The following KIF15 variants were observed in gnomAD, a reference collection of about 807,000 sequenced individuals.
The protein encoded by KIF15 is kinesin family member 15.
KIF15 carries 140 observed loss-of-function variants against 190.6 expected under a neutral mutation model. The observed-to-expected ratio is 0.73, with a 90% CI of 0.64 to 0.84. KIF15 has a LOEUF of 0.84. Among genes scored for constraint, KIF15 ranks in the 40% least tolerant of loss-of-function variants. The probability of loss-of-function intolerance (pLI) is 0.00; values close to 1 mark genes in which losing one functional copy is unlikely to be tolerated. For missense variants in KIF15, 1,372 were observed against 1,584.4 expected, an observed-to-expected ratio of 0.87 and a Z score of 2.28; for synonymous variants, 528 against 551.3, an observed-to-expected ratio of 0.96 and a Z score of 0.59.
chr3:44,762,947 A>G (rs1401710333), intron 1 of KIF15, among the ~76,000 whole-genome samples: 1 of 152,154 alleles, frequency 6.6e-6, no homozygotes, highest in Non-Finnish European at 1.5e-5. Flanking sequence ...CACTTTATGG[A>G]TCAGTCACTA....
chr3:44,862,288 G>A, intron 6 of KIF15: 1 of 267,408 alleles, frequency 3.7e-6, no homozygotes, highest in Non-Finnish European at 5.8e-6. Context: ...GGCCGCGGGC[G>A]GCGCTGCGGT....
intron 20 of KIF15, among the ~76,000 whole-genome samples, chr3:44,823,607 C>T (rs972935580): frequency 6.6e-6 from 1 of 152,234 alleles, no homozygotes; most frequent in Non-Finnish European, 1.5e-5. Flanking sequence ...CAGCTATGCT[C>T]TGCCCCCACA....
intron 19 of KIF15, among the ~76,000 whole-genome samples, chr3:44,813,908 G>C (rs971574305): frequency 3.9e-5 from 6 of 152,168 alleles, no homozygotes; most frequent in Non-Finnish European, 7.4e-5. Flanking sequence ...GTGAGCCACT[G>C]TGCCCAGCCT....
chr3:44,780,151 G>A (rs1440868623), intron 4 of KIF15, among the ~76,000 whole-genome samples: 1 of 146,792 alleles, frequency 6.8e-6, no homozygotes, highest in Admixed American at 7.0e-5. Context: ...CCACAGCTGT[G>A]ATTCTAGTGC....
intron 1 of KIF15, among the ~76,000 whole-genome samples, chr3:44,772,293 AG>A (rs1381892806): frequency 1.3e-5 from 2 of 152,250 alleles, no homozygotes; most frequent in African/African-American, 2.4e-5. Flanking sequence ...AGATTTTGAG[AG>A]GGATCCATCC....
intron 2 of KIF15, 57 bp from the exon 3 acceptor site, chr3:44,775,197 T>C: frequency 3.6e-6 from 5 of 1,391,946 alleles, no homozygotes; most frequent in Admixed American, 1.8e-5. Flanking sequence ...ACTTGGATCC[T>C]TTTTCAGTTT....
chr3:44,804,922 A>G (rs983421189), intron 14 of KIF15, 105 bp from the exon 15 acceptor site: 8 of 1,220,642 alleles, frequency 6.6e-6, no homozygotes, highest in Non-Finnish European at 9.0e-6. Flanking sequence ...TTAGTACACT[A>G]TGATCATGCT....
chr3:44,762,106 T>C (rs1011572538), intron 1 of KIF15, among the ~76,000 whole-genome samples: 4 of 152,216 alleles, frequency 2.6e-5, no homozygotes, highest in African/African-American at 9.6e-5. Flanking sequence ...GCCAGGAGTC[T>C]GGCGCAGTTC....
intron 20 of KIF15, among the ~76,000 whole-genome samples, chr3:44,825,580 A>C (rs1312738988): frequency 6.6e-6 from 1 of 152,214 alleles, no homozygotes; most frequent in Non-Finnish European, 1.5e-5. Context: ...TTTCTTGCTC[A>C]AATCAAATTC....
intron 7 of KIF15, among the ~76,000 whole-genome samples, chr3:44,793,066 C>G (rs371322593): frequency 6.6e-5 from 10 of 152,172 alleles, no homozygotes; most frequent in Admixed American, 5.2e-4. Flanking sequence ...CCACCTCACA[C>G]TGAATCTGAA....
intron 19 of KIF15, among the ~76,000 whole-genome samples, chr3:44,814,197 T>TTAA: frequency 6.6e-6 from 1 of 152,264 alleles, no homozygotes; most frequent in Non-Finnish European, 1.5e-5. Flanking sequence ...CCTGAAGTAG[T>TTAA]TAACCCATGT....
intron 20 of KIF15, among the ~76,000 whole-genome samples, chr3:44,823,730 T>C (rs1011847587): frequency 5.9e-5 from 9 of 152,072 alleles, no homozygotes; most frequent in Admixed American, 4.6e-4. Context: ...CGGATGGCCC[T>C]CCCCCTGCCA....
chr3:44,868,096 C>T (rs1174116843), intron 6 of KIF15, among the ~76,000 whole-genome samples: 2 of 152,148 alleles, frequency 1.3e-5, no homozygotes, highest in Admixed American at 1.3e-4. Flanking sequence ...ATTCTCATAC[C>T]CATTAGCAGT....
chr3:44,829,361 AATAT>A lies in KIF15; in HGVS notation c.2944-599_2944-596del, dbSNP rs558769349. 4.5e-3 allele frequency among the ~76,000 whole-genome samples: 601 copies of A among 133,570 alleles called. 3 individuals are homozygous for A. The highest frequency in any genetic ancestry group is 0.015 in the African/African-American group (542 of 35,738). 87.6% of individuals were successfully genotyped at this position (133,570 alleles called of 152,430 possible). On this transcript the variant is annotated intron_variant, in intron 24 of 34. Transcript: ENST00000326047. ...AACACAGCGAGACTCCATCTCAAAA[AATAT>A]ATATATATATGTGTGTGTGTGTGTG...
chr3:44,830,970 G>C lies in KIF15; in HGVS notation c.3123G>C (p.Leu1041=). ...TCAAGAAGCAGGAAGTGGATATTCTGGATCTGAAAGAAACCCTTAGGCTGA... is the reference window on the plus strand; with the variant it reads ...TCAAGAAGCAGGAAGTGGATATTCTCGATCTGAAAGAAACCCTTAGGCTGA... ...VLIKKQEVDI[L]DLKETLRLRI... Residue 1041 remains leucine, a synonymous_variant, in exon 26 of 35, where the codon CTG becomes CTC. Transcript: ENST00000326047. 1 of 1,613,928 alleles carries C rather than the reference G, an allele frequency of 6.2e-7. No individual in the cohort carries two copies. The highest frequency in any genetic ancestry group is 8.5e-7 in the Non-Finnish European group (1 of 1,179,896).
chr3:44,836,298 G>A (rs1698317213), intron 26 of KIF15, among the ~76,000 whole-genome samples: 1 of 152,154 alleles, frequency 6.6e-6, no homozygotes, highest in South Asian at 2.1e-4. Flanking sequence ...GGAGGTTACA[G>A]TTAGATGAGA....
intron 26 of KIF15, among the ~76,000 whole-genome samples, chr3:44,836,041 C>T (rs1456233462): frequency 6.6e-6 from 1 of 151,980 alleles, no homozygotes; most frequent in African/African-American, 2.4e-5. Flanking sequence ...GCAAGAGCCC[C>T]CATCTCTGAA....
chr3:44,803,031 G>A, intron 14 of KIF15, 40 bp downstream of exon 14: 5 of 1,536,746 alleles, frequency 3.3e-6, no homozygotes, highest in African/African-American at 1.4e-5. Context: ...ATGTAGGAAG[G>A]GGCTGTTTTA....
chr3:44,801,086 C>A, intron 11 of KIF15, among the ~76,000 whole-genome samples: 1 of 151,288 alleles, frequency 6.6e-6, no homozygotes, highest in East Asian at 1.9e-4. Context: ...CAGCTCACTG[C>A]AACCTCTACC....
Sources: allele counts gnomAD v4.1 joint callset (sites outside exome capture counted in the v4.1 genomes callset), GRCh38; gene constraint gnomAD v4.1.1; transcripts MANE v1.5; gene names NCBI Gene and HGNC (gene_info 2026-07-23, HGNC 2026-07-21).